Variants in FAM186B observed in about 807,000 individuals in gnomAD.
The protein encoded by FAM186B is protein FAM186B.
A neutral mutation model predicts 83.4 loss-of-function variants in FAM186B; 68 were observed. That is an observed-to-expected ratio of 0.81 (90% CI 0.67 to 1.00). FAM186B has a LOEUF of 1.00. Among genes scored for constraint, FAM186B ranks in the 50% least tolerant of loss-of-function variants. The pLI, the probability that FAM186B is intolerant of heterozygous loss-of-function variation, is 0.00. For missense variants in FAM186B, 983 were observed against 1,099.2 expected (o/e 0.89, Z 1.49); for synonymous variants, 389 against 422.0 (o/e 0.92, Z 0.96).
intron 5 of FAM186B, among the ~76,000 whole-genome samples, chr12:49,594,991 G>C (rs1592548289): frequency 1.3e-5 from 2 of 152,250 alleles, no homozygotes; most frequent in Admixed American, 1.3e-4. Context: ...AATATGCTTT[G>C]CCAAAGGAGA....
intron 2 of FAM186B, among the ~76,000 whole-genome samples, chr12:49,603,598 C>T (rs924893683): frequency 1.3e-5 from 2 of 152,202 alleles, no homozygotes; most frequent in Non-Finnish European, 2.9e-5. Flanking sequence ...TAACATGAGG[C>T]CTGCCATGTA....
In FAM186B at chr12:49,600,985, G is replaced by A. The variant is rs909026000; in HGVS notation, c.655C>T (p.Leu219Phe). ...ASEVTSMLQE[L>F]LDSTMFSKGE... ...TTGCTGAACATGGTAGAGTCCAGGA[G>A]CTCCTGCAGCATGGACGTCACCTCC... Residue 219 changes from leucine to phenylalanine, a missense_variant, in exon 4 of 7, where the codon CTC becomes TTC. Leu to Phe is a conservative substitution (Grantham distance 22). Transcript: ENST00000257894. The surrounding 1 kb of genome is among the most constrained non-coding windows in gnomAD (Gnocchi z 4.3). The A allele has an allele frequency of 1.9e-6, 3 of 1,614,040 alleles. No homozygotes were observed. Among genetic ancestry groups the A allele is most frequent in the Admixed American group, 3.3e-5 (2 of 60,000 alleles).
chr12:49,620,551 C>T, the FAM186B span, among the ~76,000 whole-genome samples: 2 of 151,900 alleles, frequency 1.3e-5, no homozygotes, highest in Non-Finnish European at 2.9e-5. Flanking sequence ...CTTGTAAAAC[C>T]TCCCACAGCT....
chr12:49,595,078 C>T, intron 5 of FAM186B: 2 of 252,620 alleles, frequency 7.9e-6, no homozygotes, highest in South Asian at 1.4e-4. Flanking sequence ...AAATTAAAGT[C>T]TTAGTATAAA....
At chr12:49,619,409 G>A in the FAM186B span, 1 of 488,008 alleles carries the variant, frequency 2.0e-6, no homozygotes, top group Non-Finnish European at 3.7e-6. Flanking sequence ...AGCTAAAGAG[G>A]CACCATTCAT....
chr12:49,607,866 A>G (rs1940051449), upstream of FAM186B, among the ~76,000 whole-genome samples: 1 of 151,728 alleles, frequency 6.6e-6, no homozygotes, highest in Non-Finnish European at 1.5e-5. Flanking sequence ...CGCGCAGCTA[A>G]TTTTTGTATT....
At chr12:49,597,479 T>G (rs1939755476) in intron 5 of FAM186B, among the ~76,000 whole-genome samples, 2 of 151,212 alleles carry the variant, frequency 1.3e-5, no homozygotes, top group African/African-American at 2.4e-5. Flanking sequence ...TGGGAGGAAA[T>G]GGGGTGACAT....
At chr12:49,598,360 C>T (rs1175613011) in intron 5 of FAM186B, among the ~76,000 whole-genome samples, 2 of 152,130 alleles carry the variant, frequency 1.3e-5, no homozygotes, top group Non-Finnish European at 2.9e-5. Context: ...CGGCTGTGCA[C>T]CAAGCCTGGA....
chr12:49,617,111 C>A, the FAM186B span, among the ~76,000 whole-genome samples: 1 of 152,202 alleles, frequency 6.6e-6, no homozygotes, highest in African/African-American at 2.4e-5. Context: ...GGCTACAACA[C>A]CTTCACCACA....
At chr12:49,604,261 C>G in intron 2 of FAM186B, 52 bp downstream of exon 2, 1 of 1,473,356 alleles carries the variant, frequency 6.8e-7, no homozygotes, top group Admixed American at 1.7e-5. Flanking sequence ...CCTGTGCTCG[C>G]CACCCACACT....
chr12:49,612,532 T>C, the FAM186B span, among the ~76,000 whole-genome samples: 1 of 142,652 alleles, frequency 7.0e-6, no homozygotes, highest in Middle Eastern at 4.0e-3. Flanking sequence ...TTTTTTTATG[T>C]GTGTTTTTTT....
chr12:49,610,204 A>C (rs536536911), upstream of FAM186B, among the ~76,000 whole-genome samples: 76 of 152,154 alleles, frequency 5.0e-4, no homozygotes, highest in African/African-American at 1.8e-3. Context: ...CTGTCCCCCC[A>C]CACACAAATT....
intron 5 of FAM186B, among the ~76,000 whole-genome samples, chr12:49,594,680 G>A (rs980611559): frequency 5.3e-5 from 8 of 152,198 alleles, no homozygotes; most frequent in Non-Finnish European, 1.2e-4. Flanking sequence ...TTTGAGACCA[G>A]CCTGGCCAAC....
chr12:49,600,292 T>C lies in FAM186B; in HGVS notation c.1348A>G (p.Lys450Glu). The change falls in exon 4 of 7, where the codon AAG (lysine) becomes GAG (glutamate). Residue 450 changes from lysine to glutamate, a missense_variant. By Grantham distance (56) the Lys-to-Glu change is moderately conservative. Transcript: ENST00000257894. The surrounding 1 kb of genome is among the most constrained non-coding windows in gnomAD (Gnocchi z 4.3). ...TGGAACTTAATTTGGAGTCCTCCCT[T>C]CTGGAAGTAGTCCTCCTGGTCTTTG... is the stretch of plus-strand genomic sequence containing the variant. ...KDKDQEDYFQKGGLQIKFHCS... is the reference protein window; with the variant it reads ...KDKDQEDYFQEGGLQIKFHCS... 1 of 1,614,180 alleles carries C rather than the reference T, an allele frequency of 6.2e-7. No individual in the cohort carries two copies. Among genetic ancestry groups the C allele is most frequent in the Non-Finnish European group, 8.5e-7 (1 of 1,180,030 alleles).
chr12:49,604,344 C>T lies in FAM186B; in HGVS notation c.291G>A (p.Leu97=). 6.2e-7 allele frequency: 1 copy of T among 1,614,222 alleles called. No individual in the cohort carries two copies. The highest frequency in any genetic ancestry group is 8.5e-7 in the Non-Finnish European group (1 of 1,180,016). Residue 97 remains leucine, a synonymous_variant, in exon 2 of 7, where the codon CTG becomes CTA. Transcript: ENST00000257894. ...SKDAMMKEKH[L]YDILRWLGDW... ...CACCCAGCCAGCGGAGAATGTCATACAGGTGCTTCTCCTTCATCATAGCAT... is the reference window on the plus strand; with the variant it reads ...CACCCAGCCAGCGGAGAATGTCATATAGGTGCTTCTCCTTCATCATAGCAT...
At position 49,605,442 on chromosome 12, in the gene FAM186B, G is replaced by T; in HGVS notation, c.36C>A (p.Pro12=). ...TCAGGATGATGGCTTTCACTGATGT[G>T]GGAGTCACCAACTGTGGGGGGTCAT... ...EKDDPPQLVT[P]TSVKAIILRI... is the part of the protein sequence containing the mutation. The change falls in exon 1 of 7, where the codon CCC becomes CCA. Residue 12 remains proline, a synonymous_variant. Transcript: ENST00000257894. 1 of 1,613,852 alleles carries T rather than the reference G, an allele frequency of 6.2e-7. No individual in the cohort carries two copies. Among genetic ancestry groups the T allele is most frequent in the African/African-American group, 1.3e-5 (1 of 75,054 alleles).
the FAM186B span, chr12:49,619,229 G>A: frequency 4.9e-6 from 1 of 205,024 alleles, no homozygotes; most frequent in South Asian, 1.8e-4. Flanking sequence ...TCAAAAAAGC[G>A]GGAGTATTAT....
In FAM186B at chr12:49,599,538, T is replaced by A. The variant is rs769154684; in HGVS notation, c.2102A>T (p.Glu701Val). 1.0e-5 allele frequency: 16 copies of A among 1,606,918 alleles called. No homozygotes were observed. Among genetic ancestry groups the A allele is most frequent in the East Asian group, 6.7e-5 (3 of 44,866 alleles). ...KALELTTTTM[E>V]LGALRLQYLC... is the part of the protein sequence containing the mutation. ...GTACTGCAGCCTGAGCGCGCCCAGC[T>A]CCATGGTGGTGGTGGTGAGCTCCAG... The change falls in exon 4 of 7, where the codon GAG becomes GTG. Residue 701 changes from glutamate to valine, a missense_variant. Coordinates refer to ENST00000257894, the MANE Select transcript of FAM186B (RefSeq NM_032130.3).
At chr12:49,596,517 G>C (rs1317158852) in intron 5 of FAM186B, among the ~76,000 whole-genome samples, 5 of 151,638 alleles carry the variant, frequency 3.3e-5, no homozygotes, top group African/African-American at 4.8e-5. Context: ...TGGCCAACAA[G>C]TATATGAAAA....
Sources: gnomAD v4.1 joint callset for allele counts (sites outside exome capture counted in the v4.1 genomes callset) on GRCh38, gnomAD v4.1.1 for gene constraint, Gnocchi (gnomAD v3.1) non-coding constraint, MANE v1.5 for transcripts, NCBI Gene and HGNC (gene_info 2026-07-23, HGNC 2026-07-21) for gene names.